Variants in CHST9 observed in about 807,000 individuals in gnomAD.
The protein encoded by CHST9 is carbohydrate sulfotransferase 9, also known as GalNAc-4-sulfotransferase 2.
CHST9 carries 41 observed loss-of-function variants against 44.4 expected under a neutral mutation model. The ratio of observed to expected loss-of-function variants is 0.92; its 90% CI spans 0.72 to 1.20. The LOEUF is 1.20. CHST9 is among the 50% of genes most tolerant of loss of function. The pLI is 0.00. For synonymous variants in CHST9, 171 were observed against 178.4 expected, an observed-to-expected ratio of 0.96 and a Z score of 0.33; for missense variants, 504 against 516.5, an observed-to-expected ratio of 0.98 and a Z score of 0.23.
At chr18:27,028,672 T>C (rs1325790965) in intron 3 of CHST9, among the ~76,000 whole-genome samples, 5 of 152,088 alleles carry the variant, frequency 3.3e-5, no homozygotes, top group African/African-American at 1.2e-4. Flanking sequence ...CTCAGCCTCC[T>C]GAGTAGCTGG....
rs374420231 is a variant in CHST9 at position 26,952,392 on chromosome 18, G to A, written c.203-8026C>T. ...GACATCAACAATTGTCTGTGGTGGG[G>A]ATTTTGTACATAGAGACTGCCTTTG... On this transcript the variant is annotated intron_variant, in intron 4 of 5. Transcript: ENST00000618847. The A allele has an allele frequency of 3.3e-5, 15 of 456,102 alleles. 1 individual carries two copies. The highest frequency in any genetic ancestry group is 2.2e-4 in the African/African-American group (11 of 50,072). The allele number at this position is 456,102 out of a possible 1,614,324, so 28.3% of individuals were successfully genotyped here.
intron 2 of CHST9, among the ~76,000 whole-genome samples, chr18:27,131,228 G>A (rs1009908875): frequency 6.6e-6 from 1 of 151,494 alleles, no homozygotes; most frequent in African/African-American, 2.4e-5. Flanking sequence ...ACCCCTCCTG[G>A]CCCAGGGACC....
chr18:26,924,595 T>C (rs1198639688), intron 5 of CHST9: 1 of 958,788 alleles, frequency 1.0e-6, no homozygotes, highest in African/African-American at 1.8e-5. Flanking sequence ...TGCAGTTATA[T>C]TTCTTCACAC....
intron 2 of CHST9, among the ~76,000 whole-genome samples, chr18:27,140,859 G>A (rs1428409755): frequency 2.0e-5 from 3 of 152,314 alleles, no homozygotes; most frequent in African/African-American, 4.8e-5. Context: ...AATAGTTTAT[G>A]TAAACTGTAA....
At chr18:27,121,599 A>T (rs1301794333) in intron 2 of CHST9, among the ~76,000 whole-genome samples, 1 of 152,164 alleles carries the variant, frequency 6.6e-6, no homozygotes, top group Non-Finnish European at 1.5e-5. Flanking sequence ...GTCCTTTTTG[A>T]AACTGCTATC....
At position 27,131,395 on chromosome 18, in the gene CHST9, C is replaced by T. The variant is rs555478124; in HGVS notation, c.121+11294G>A. On this transcript the variant is annotated intron_variant, in intron 2 of 5. Coordinates refer to ENST00000618847, the MANE Select transcript of CHST9 (RefSeq NM_031422.6). Reference sequence around the variant, plus strand: ...TGAAACCCCATCTCTAATAAAAATACAGAAAATTAGCTGGGCGTGGTGGCG... The same window carrying T: ...TGAAACCCCATCTCTAATAAAAATATAGAAAATTAGCTGGGCGTGGTGGCG... Among the ~76,000 whole-genome samples, 4 of 151,374 alleles carry T rather than the reference C, an allele frequency of 2.6e-5. No homozygotes were observed. In the South Asian group the frequency reaches 6.3e-4, roughly 24 times the overall value.
chr18:27,086,455 C>T lies in CHST9; in HGVS notation c.122-37952G>A, dbSNP rs139870059. 3.7e-4 allele frequency among the ~76,000 whole-genome samples: 56 copies of T among 152,248 alleles called. No individual in the cohort carries two copies. The East Asian group carries it at 0.011, about 29-fold the overall frequency. ...GAAAATCAAAGAATAATACTCATTC[C>T]TAATTGAGTATTTCCTTTATATCTG... On this transcript the variant is annotated intron_variant, in intron 2 of 5. Transcript: ENST00000618847.
At chr18:27,082,543 G>A (rs1375162255) in intron 2 of CHST9, among the ~76,000 whole-genome samples, 1 of 152,074 alleles carries the variant, frequency 6.6e-6, no homozygotes, top group African/African-American at 2.4e-5. Flanking sequence ...CCTCAACACT[G>A]TGCACAACAA....
chr18:26,955,303 G>T (rs1172670283), intron 4 of CHST9, among the ~76,000 whole-genome samples: 1 of 151,408 alleles, frequency 6.6e-6, no homozygotes, highest in African/African-American at 2.4e-5. Flanking sequence ...CAAATTATGG[G>T]AATTGAGGGG....
intron 4 of CHST9, among the ~76,000 whole-genome samples, chr18:27,009,094 G>A (rs1253510632): frequency 6.6e-6 from 1 of 152,080 alleles, no homozygotes; most frequent in Non-Finnish European, 1.5e-5. Flanking sequence ...AGGAAAGGGG[G>A]TCCTGTTGAT....
At chr18:27,163,735 G>C (rs1415059523) in intron 1 of CHST9, among the ~76,000 whole-genome samples, 2 of 152,174 alleles carry the variant, frequency 1.3e-5, no homozygotes, top group Non-Finnish European at 2.9e-5. Flanking sequence ...GACTAGGAAA[G>C]GGAATTCCCT....
chr18:27,119,981 T>A (rs1404953616), intron 2 of CHST9, among the ~76,000 whole-genome samples: 1 of 152,066 alleles, frequency 6.6e-6, no homozygotes, highest in Non-Finnish European at 1.5e-5. Context: ...GTATGATAAA[T>A]GTTATGAAGG....
rs529189209 is a variant in CHST9, at chr18:26,988,645, T to C, written c.202+35471A>G. On this transcript the variant is annotated intron_variant, in intron 4 of 5. Coordinates refer to ENST00000618847, the MANE Select transcript of CHST9 (RefSeq NM_031422.6). ...TCCAATAAAGAATAGAATAGACAGA[T>C]ACTCATCAAGGCTATAATAGACTTG... 2.0e-5 allele frequency among the ~76,000 whole-genome samples: 3 copies of C among 152,240 alleles called. No individual in the cohort carries two copies. In the East Asian group the frequency reaches 5.8e-4, roughly 29 times the overall value.
intron 2 of CHST9, among the ~76,000 whole-genome samples, chr18:27,051,078 G>A (rs1049135724): frequency 6.6e-6 from 1 of 152,058 alleles, no homozygotes; most frequent in Non-Finnish European, 1.5e-5. Flanking sequence ...GGATTTTGTG[G>A]GAATAATATA....
intron 4 of CHST9, among the ~76,000 whole-genome samples, chr18:26,983,496 C>T (rs1292860401): frequency 6.6e-6 from 1 of 152,102 alleles, no homozygotes; most frequent in East Asian, 1.9e-4. Flanking sequence ...CCCTCTTTGC[C>T]TTTTGCCATG....
chr18:27,177,796 A>G (rs1240659342), intron 1 of CHST9, among the ~76,000 whole-genome samples: 6 of 152,032 alleles, frequency 3.9e-5, no homozygotes, highest in Non-Finnish European at 7.4e-5. Context: ...CTTGTATAGC[A>G]GAGTTAACAG....
At position 26,910,343 on chromosome 18, in the gene CHST9, A is replaced by C. The variant is rs2055424367; in HGVS notation, c.*5916T>G. On this transcript the variant is annotated 3_prime_UTR_variant, in exon 6 of 6. Coordinates refer to ENST00000618847, the MANE Select transcript of CHST9 (RefSeq NM_031422.6). ...GGGATAACCTCACTACCTGCACAAC[A>C]CAAATAGGGTCAAGGATAATGTTCA... 6.6e-6 allele frequency: 1 copy of C among 152,042 alleles called. No individual in the cohort carries two copies. Among genetic ancestry groups the C allele is most frequent in the African/African-American group, 2.4e-5 (1 of 41,368 alleles). The allele number at this position is 152,042 out of a possible 1,614,324, so 9.4% of individuals were successfully genotyped here.
chr18:26,959,676 T>A (rs2145148117), intron 4 of CHST9, among the ~76,000 whole-genome samples: 1 of 152,220 alleles, frequency 6.6e-6, no homozygotes, highest in African/African-American at 2.4e-5. Context: ...GCACTGAACT[T>A]AAAGGTGGTC....
intron 4 of CHST9, among the ~76,000 whole-genome samples, chr18:26,957,138 A>G (rs1031304908): frequency 1.3e-5 from 2 of 152,108 alleles, no homozygotes; most frequent in Admixed American, 1.3e-4. Flanking sequence ...TATCAATCAA[A>G]CCTGTGGTGC....
Sources: gnomAD v4.1 joint callset for allele counts (sites outside exome capture counted in the v4.1 genomes callset) on GRCh38, gnomAD v4.1.1 for gene constraint, MANE v1.5 for transcripts, NCBI Gene and HGNC (gene_info 2026-07-23, HGNC 2026-07-21) for gene names.